Variants in MTUS1 observed in about 807,000 individuals in gnomAD.
The protein encoded by MTUS1 is microtubule-associated tumor suppressor 1.
A neutral mutation model predicts 120.8 loss-of-function variants in MTUS1; 109 were observed. The observed-to-expected ratio is 0.90, with a 90% CI of 0.77 to 1.06. MTUS1 has a LOEUF of 1.06. Ranked by LOEUF, MTUS1 falls within the 50% of genes least tolerant of loss-of-function variation. MTUS1 has a pLI of 0.00. For synonymous variants in MTUS1, 737 were observed against 550.5 expected, an observed-to-expected ratio of 1.34 and a Z score of -4.74; for missense variants, 2,210 against 1,486.3, an observed-to-expected ratio of 1.49 and a Z score of -8.01.
chr8:17,759,453 G>GA (rs1374390540), intron 1 of MTUS1, among the ~76,000 whole-genome samples: 2 of 151,154 alleles, frequency 1.3e-5, no homozygotes, highest in African/African-American at 4.8e-5. Context: ...ACTTTTTGTA[G>GA]AAAAGGGGTC....
chr8:17,662,258 G>C (rs59224680), intron 8 of MTUS1, among the ~76,000 whole-genome samples: 2,944 of 151,248 alleles, frequency 0.019, 98 homozygotes, highest in African/African-American at 0.068. Context: ...ACATAAAATT[G>C]TTTCGAATTT....
At position 17,770,171 on chromosome 8, in the gene MTUS1, G is replaced by A. The variant is rs142241153; in HGVS notation, c.-154-14210C>T. 1.0e-3 allele frequency among the ~76,000 whole-genome samples: 154 copies of A among 152,166 alleles called. 1 individual carries two copies. The highest frequency in any genetic ancestry group is 3.5e-3 in the African/African-American group (144 of 41,504). On this transcript the variant is annotated intron_variant, in intron 1 of 14. Transcript: ENST00000693296. Reference sequence around the variant, plus strand: ...ATATTTTAACCCAAAGCAGAGCCCTGCATTTGATTATTATCCTTTACAAAA... The same window carrying A: ...ATATTTTAACCCAAAGCAGAGCCCTACATTTGATTATTATCCTTTACAAAA...
chr8:17,755,874 G>T lies in MTUS1; in HGVS notation c.-67C>A. On this transcript the variant is annotated 5_prime_UTR_variant, in exon 2 of 15. Coordinates refer to ENST00000693296, the MANE Select transcript of MTUS1 (RefSeq NM_001363059.2). Reference sequence around the variant, plus strand: ...TCAATTCCTTTTAAATGAGAGGGTGGGCAAAATGGTCTGTCTTCTAGGTTT... The same window carrying T: ...TCAATTCCTTTTAAATGAGAGGGTGTGCAAAATGGTCTGTCTTCTAGGTTT... 3 of 1,535,712 alleles carry T rather than the reference G, an allele frequency of 2.0e-6. No individual in the cohort carries two copies. Among genetic ancestry groups the T allele is most frequent in the Non-Finnish European group, 2.6e-6 (3 of 1,147,820 alleles).
At chr8:17,652,081 T>C (rs559001855) in intron 12 of MTUS1, among the ~76,000 whole-genome samples, 2 of 152,266 alleles carry the variant, frequency 1.3e-5, no homozygotes, top group South Asian at 2.1e-4. Context: ...GGCCAGAGAT[T>C]TGAAGTGGAG....
At chr8:17,708,203 G>A (rs1366958494) in intron 6 of MTUS1, among the ~76,000 whole-genome samples, 1 of 152,208 alleles carries the variant, frequency 6.6e-6, no homozygotes, top group Non-Finnish European at 1.5e-5. Context: ...ATTTGCAAAT[G>A]ATAACTCTGA....
intron 1 of MTUS1, among the ~76,000 whole-genome samples, chr8:17,756,998 A>G (rs2048675895): frequency 6.6e-6 from 1 of 152,236 alleles, no homozygotes; most frequent in South Asian, 2.1e-4. Context: ...GTGGCCGAAG[A>G]AGACTTAAGT....
intron 2 of MTUS1, among the ~76,000 whole-genome samples, chr8:17,745,497 A>T (rs1354170883): frequency 2.0e-5 from 3 of 152,238 alleles, no homozygotes; most frequent in African/African-American, 4.8e-5. Context: ...CTCAATCCAC[A>T]GATGTGGAGC....
chr8:17,692,487 T>TGAA (rs1335215022), intron 6 of MTUS1, among the ~76,000 whole-genome samples: 4 of 152,160 alleles, frequency 2.6e-5, no homozygotes, highest in Admixed American at 2.6e-4. Context: ...TGCTTCTTAG[T>TGAA]GAAGCTGTTA....
At chr8:17,661,134 A>C (rs1030157724) in intron 8 of MTUS1, among the ~76,000 whole-genome samples, 4 of 152,180 alleles carry the variant, frequency 2.6e-5, no homozygotes, top group Admixed American at 2.6e-4. Context: ...AAACGAGTAA[A>C]CACTGCATTA....
At chr8:17,712,876 A>C (rs1193845229) in intron 6 of MTUS1, among the ~76,000 whole-genome samples, 1 of 152,246 alleles carries the variant, frequency 6.6e-6, no homozygotes, top group African/African-American at 2.4e-5. Context: ...CTAAAACCAA[A>C]TATTGAGACC....
chr8:17,710,704 GT>G (rs1821107603), intron 6 of MTUS1, among the ~76,000 whole-genome samples: 1 of 152,128 alleles, frequency 6.6e-6, no homozygotes, highest in Non-Finnish European at 1.5e-5. Flanking sequence ...TTTTCAGAAG[GT>G]TTTCAACTGA....
chr8:17,792,174 G>A (rs2051844388), intron 1 of MTUS1, among the ~76,000 whole-genome samples: 1 of 152,064 alleles, frequency 6.6e-6, no homozygotes, highest in Non-Finnish European at 1.5e-5. Flanking sequence ...GTCATGGTGG[G>A]CAAAATCTAG....
At chr8:17,681,605 T>C (rs959171637) in intron 7 of MTUS1, 1 of 154,810 alleles carries the variant, frequency 6.5e-6, no homozygotes, top group Admixed American at 6.5e-5. Context: ...AAAGTAACTG[T>C]AGCTTTTGGC....
intron 4 of MTUS1, 174 bp downstream of exon 4, chr8:17,723,498 A>G (rs1430844793): frequency 1.4e-6 from 1 of 690,366 alleles, no homozygotes; most frequent in Admixed American, 2.1e-5. Flanking sequence ...TTATTTCAAG[A>G]GTGTTTTTCA....
intron 6 of MTUS1, among the ~76,000 whole-genome samples, chr8:17,710,437 T>G (rs1296172327): frequency 6.6e-6 from 1 of 152,218 alleles, no homozygotes; most frequent in African/African-American, 2.4e-5. Flanking sequence ...TGCTTATTCA[T>G]AAGAAGCAAC....
chr8:17,738,574 G>C (rs145044444), intron 3 of MTUS1, among the ~76,000 whole-genome samples: 1,733 of 152,208 alleles, frequency 0.011, 12 homozygotes, highest in South Asian at 0.029. Context: ...ATTTTTTATT[G>C]TTTTAAGTTC....
intron 6 of MTUS1, among the ~76,000 whole-genome samples, chr8:17,686,256 C>G (rs376182913): frequency 1.3e-5 from 2 of 152,192 alleles, no homozygotes; most frequent in Non-Finnish European, 1.5e-5. Flanking sequence ...CTCTTCTGTT[C>G]CCACACATTT....
chr8:17,761,763 C>G (rs1391528406), intron 1 of MTUS1, among the ~76,000 whole-genome samples: 1 of 152,156 alleles, frequency 6.6e-6, no homozygotes, highest in African/African-American at 2.4e-5. Context: ...TATGGCACGC[C>G]AGTCCTTTAA....
intron 8 of MTUS1, among the ~76,000 whole-genome samples, chr8:17,669,132 T>C (rs1427898711): frequency 6.6e-6 from 1 of 152,196 alleles, no homozygotes; most frequent in Non-Finnish European, 1.5e-5. Context: ...AAGAGGTCTA[T>C]AAACAAATCT....
Sources: allele counts gnomAD v4.1 joint callset (sites outside exome capture counted in the v4.1 genomes callset), GRCh38; gene constraint gnomAD v4.1.1; transcripts MANE v1.5; gene names NCBI Gene and HGNC (gene_info 2026-07-23, HGNC 2026-07-21).